The following MCF2L variants were observed in gnomAD, a reference collection of about 807,000 sequenced individuals.
MCF2L encodes guanine nucleotide exchange factor DBS.
In MCF2L, 97 loss-of-function variants were observed where a neutral mutation model predicts 153.4. The ratio of observed to expected loss-of-function variants is 0.63; its 90% CI spans 0.54 to 0.75. The LOEUF (loss-of-function observed/expected upper bound fraction) is 0.75, where lower values mean the gene tolerates loss of function less well. Among genes scored for constraint, MCF2L ranks in the 30% least tolerant of loss-of-function variants. The probability of loss-of-function intolerance (pLI) is 0.00; values close to 1 mark genes in which losing one functional copy is unlikely to be tolerated. For synonymous variants in MCF2L, 659 were observed against 632.2 expected (o/e 1.04, Z -0.64); for missense variants, 1,347 against 1,495.2 (o/e 0.90, Z 1.64).
At position 112,960,530 on chromosome 13, in the gene MCF2L, G is replaced by A. The variant is rs114317078; in HGVS notation, c.170-54233G>A. ...TGCTGGAGTTTCTCTCCAAGGGGGC[G>A]GGATAGGCTGTCATTCTGGGGAAGG... On this transcript the variant is annotated intron_variant, in intron 2 of 29. Coordinates refer to the MCF2L transcript ENST00000375608. This position sits in a 1 kb window ranked among gnomAD's most constrained non-coding sequence, Gnocchi z 4.2. Among the ~76,000 whole-genome samples the A allele has an allele frequency of 2.3e-3, 345 of 152,202 alleles. 1 individual carries two copies. Among genetic ancestry groups the A allele is most frequent in the African/African-American group, 8.2e-3 (339 of 41,528 alleles).
intron 20 of MCF2L, 126 bp downstream of exon 20, chr13:113,085,304 G>C: frequency 1.3e-6 from 1 of 754,056 alleles, no homozygotes; most frequent in Non-Finnish European, 2.2e-6. Flanking sequence ...TTCCGAGCCT[G>C]TGCTGAGGCT....
At chr13:112,939,281 C>G (rs1308750186) in intron 2 of MCF2L, among the ~76,000 whole-genome samples, 2 of 152,192 alleles carry the variant, frequency 1.3e-5, no homozygotes, top group Non-Finnish European at 2.9e-5. Context: ...TCGTGGACAT[C>G]TGGGGCTGGG....
In MCF2L at chr13:113,064,392, G is replaced by A. The variant is rs1413210536; in HGVS notation, c.578G>A (p.Cys193Tyr). Reference sequence around the variant, plus strand: ...GACCTGGGTGGGACCCTGGACTACTGCCACTCCCGGTGGCTGTGCCAGCGC... The same window carrying A: ...GACCTGGGTGGGACCCTGGACTACTACCACTCCCGGTGGCTGTGCCAGCGC... ...TEDLGGTLDY[C>Y]HSRWLCQRTA... is the part of the protein sequence containing the mutation. The change falls in exon 6 of 30, where the codon TGC becomes TAC. Residue 193 changes from cysteine (C) to tyrosine (Y), a missense_variant. Cys to Tyr is a radical substitution (Grantham distance 194). Coordinates refer to ENST00000535094, the MANE Select transcript of MCF2L (RefSeq NM_001112732.3). The surrounding 1 kb of genome is among the most constrained non-coding windows in gnomAD (Gnocchi z 6.0). The A allele has an allele frequency of 1.9e-6, 3 of 1,612,468 alleles. No homozygotes were observed. The highest frequency in any genetic ancestry group is 2.7e-5 in the African/African-American group (2 of 74,942).
intron 1 of MCF2L, among the ~76,000 whole-genome samples, chr13:112,978,362 C>T: frequency 6.6e-6 from 1 of 152,204 alleles, no homozygotes; most frequent in East Asian, 1.9e-4. Context: ...TTGCGTCTGG[C>T]AGGTGGGTGT....
At chr13:112,909,041 A>C (rs780978838) in intron 2 of MCF2L, among the ~76,000 whole-genome samples, 9 of 152,148 alleles carry the variant, frequency 5.9e-5, no homozygotes, top group Non-Finnish European at 1.0e-4. Context: ...ATGTTTATCC[A>C]TGCTGCTCTC....
intron 4 of MCF2L, among the ~76,000 whole-genome samples, chr13:113,060,387 G>A (rs940385007): frequency 6.6e-6 from 1 of 152,210 alleles, no homozygotes; most frequent in African/African-American, 2.4e-5. Flanking sequence ...AAGACATGAG[G>A]CTTTTCCTCT....
At chr13:113,048,261 A>G (rs2141570993) in intron 4 of MCF2L, among the ~76,000 whole-genome samples, 1 of 152,190 alleles carries the variant, frequency 6.6e-6, no homozygotes, top group African/African-American at 2.4e-5. Context: ...TTAGTGTTTT[A>G]GTTTTTATTT....
intron 9 of MCF2L, among the ~76,000 whole-genome samples, chr13:113,073,910 C>T (rs965156753): frequency 6.9e-6 from 1 of 145,836 alleles, no homozygotes; most frequent in African/African-American, 2.5e-5. Context: ...AACAAAACTC[C>T]GTCTCAAAAA....
At chr13:113,010,733 G>T (rs1456323317) in intron 1 of MCF2L, among the ~76,000 whole-genome samples, 1 of 151,858 alleles carries the variant, frequency 6.6e-6, no homozygotes, top group Non-Finnish European at 1.5e-5. Flanking sequence ...CTGAGCAGTG[G>T]GGTCATCACT....
At chr13:112,898,133 C>T (rs1010157904) in intron 1 of MCF2L, among the ~76,000 whole-genome samples, 5 of 152,218 alleles carry the variant, frequency 3.3e-5, no homozygotes, top group East Asian at 3.8e-4. Context: ...GACACGGTGT[C>T]GTGAGTGGAA....
chr13:113,073,211 T>G (rs1255517934), intron 9 of MCF2L, among the ~76,000 whole-genome samples: 3 of 152,204 alleles, frequency 2.0e-5, no homozygotes, highest in Non-Finnish European at 2.9e-5. Context: ...CTTATAAATG[T>G]GTTGAGATTT....
Position 113,082,556 on chromosome 13 carries a change from C to A in MCF2L, c.1991+14C>A. ...CTTCCACAACAGGTGGGCCCTTCCC[C>A]CCGACACAGGCACGCACCCGTGATC... On this transcript the variant is annotated intron_variant, in intron 17 of 29. Coordinates refer to ENST00000535094, the MANE Select transcript of MCF2L (RefSeq NM_001112732.3). The A allele has an allele frequency of 6.4e-7, 1 of 1,550,620 alleles. No individual in the cohort carries two copies. The highest frequency in any genetic ancestry group is 8.9e-7 in the Non-Finnish European group (1 of 1,123,316).
In MCF2L at chr13:112,922,074, A is replaced by G. The variant is rs12861224; in HGVS notation, c.169+19703A>G. On this transcript the variant is annotated intron_variant, in intron 2 of 29. Transcript: ENST00000375608. Reference sequence around the variant, plus strand: ...CCCAGCTCACAGTGAATGGAGGAAAAGTCCAGAGGCCCAGAGCTGGAAACG... The same window carrying G: ...CCCAGCTCACAGTGAATGGAGGAAAGGTCCAGAGGCCCAGAGCTGGAAACG... 3.2e-3 allele frequency among the ~76,000 whole-genome samples: 483 copies of G among 152,346 alleles called. 2 individuals are homozygous for G. Among genetic ancestry groups the G allele is most frequent in the Non-Finnish European group, 4.5e-3 (309 of 68,034 alleles).
chr13:113,088,209 C>A, intron 23 of MCF2L, 118 bp from the exon 24 acceptor site: 1 of 901,898 alleles, frequency 1.1e-6, no homozygotes, highest in Non-Finnish European at 1.8e-6. Flanking sequence ...TCCCCTCACA[C>A]GCAGCCACCT....
rs1356060990 is a variant in MCF2L at position 113,070,795 on chromosome 13, C to T, written c.996+622C>T. Among the ~76,000 whole-genome samples the T allele has an allele frequency of 3.3e-5, 5 of 152,188 alleles. No individual in the cohort carries two copies. Among genetic ancestry groups the T allele is most frequent in the East Asian group, 1.9e-4 (1 of 5,192 alleles). ...CCGGTGGCTCACTCATTGTGTTCCC[C>T]GGTGTGGACGGACCACAGTTCTTTC... On this transcript the variant is annotated intron_variant, in intron 9 of 29. Coordinates refer to ENST00000535094, the MANE Select transcript of MCF2L (RefSeq NM_001112732.3). The surrounding 1 kb of genome is among the most constrained non-coding windows in gnomAD (Gnocchi z 5.6).
rs528824108 is a variant in MCF2L, at chr13:113,096,526, G to A, written c.3189-24G>A. 8 of 1,588,908 alleles carry A rather than the reference G, an allele frequency of 5.0e-6. No individual in the cohort carries two copies. The African/African-American group carries it at 8.0e-5, about 16-fold the overall frequency. On this transcript the variant is annotated intron_variant, in intron 28 of 29. Transcript: ENST00000535094. ...GCCCCGGACTGCCCCGCACGTGGCT[G>A]CCGCTGACCCTCGCCCCTTGCAGGT...
intron 4 of MCF2L, among the ~76,000 whole-genome samples, chr13:113,048,535 G>A (rs370358121): frequency 0.46 from 68,241 of 148,600 alleles, 16,116 homozygotes; most frequent in South Asian, 0.56. Flanking sequence ...CTGCCTCCCC[G>A]GGTTCACGCC....
At chr13:113,089,897 G>A in intron 26 of MCF2L, 169 bp downstream of exon 26, 1 of 1,606,450 alleles carries the variant, frequency 6.2e-7, no homozygotes, top group African/African-American at 1.3e-5. Context: ...CCACAGAAGA[G>A]CCCCTCCCTC....
intron 2 of MCF2L, chr13:112,956,043 G>A (rs1466822644): frequency 6.6e-6 from 1 of 152,176 alleles, no homozygotes; most frequent in East Asian, 1.9e-4. Flanking sequence ...TTTTTCCCAG[G>A]AGGCGTGATT....
Sources: allele counts gnomAD v4.1 joint callset (sites outside exome capture counted in the v4.1 genomes callset), GRCh38; gene constraint gnomAD v4.1.1; non-coding constraint Gnocchi (gnomAD v3.1); transcripts MANE v1.5; gene names NCBI Gene and HGNC (gene_info 2026-07-23, HGNC 2026-07-21).